BOD1L1: variants seen among roughly 807,000 people sequenced by gnomAD.
BOD1L1 encodes the protein biorientation of chromosomes in cell division 1 like 1.
In BOD1L1, 86 loss-of-function variants were observed where a neutral mutation model predicts 240.7. That is an observed-to-expected ratio of 0.36 (90% CI 0.30 to 0.43). BOD1L1 has a LOEUF of 0.43. Among genes scored for constraint, BOD1L1 ranks in the 20% least tolerant of loss-of-function variants. The probability of loss-of-function intolerance (pLI) is 1.00; values close to 1 mark genes in which losing one functional copy is unlikely to be tolerated. For missense variants in BOD1L1, 3,554 were observed against 3,643.5 expected (o/e 0.98, Z 0.63); for synonymous variants, 1,268 against 1,272.3 (o/e 1.00, Z 0.07).
chr4:13,596,345 CTCTTTTCTT>C (rs2108928927), intron 11 of BOD1L1, among the ~76,000 whole-genome samples: 1 of 152,150 alleles, frequency 6.6e-6, no homozygotes, highest in Non-Finnish European at 1.5e-5. Context: ...GCTTGGAAGG[CTCTTTTCTT>C]TCTTTTCTGG....
At chr4:13,589,868 G>A (rs1714056060) in intron 14 of BOD1L1, among the ~76,000 whole-genome samples, 1 of 152,150 alleles carries the variant, frequency 6.6e-6, no homozygotes, top group Non-Finnish European at 1.5e-5. Context: ...TCCTATAATA[G>A]GAAATTAACA....
At chr4:13,608,489 G>A (rs751380413) in intron 8 of BOD1L1, 41 bp downstream of exon 8, 19 of 1,449,892 alleles carry the variant, frequency 1.3e-5, no homozygotes, top group Non-Finnish European at 9.1e-7. Context: ...AAGCACCCAG[G>A]GGAGTGTTAT....
At chr4:13,591,395 T>C (rs1342431709) in intron 13 of BOD1L1, among the ~76,000 whole-genome samples, 1 of 152,206 alleles carries the variant, frequency 6.6e-6, no homozygotes, top group Non-Finnish European at 1.5e-5. Context: ...TGCAGTTGTC[T>C]GCACATTTGG....
chr4:13,597,015 T>A, intron 11 of BOD1L1, 89 bp downstream of exon 11: 1 of 1,037,394 alleles, frequency 9.6e-7, no homozygotes, highest in East Asian at 2.6e-5. Context: ...GAACAGGACC[T>A]ATATACCACA....
At position 13,600,609 on chromosome 4, in the gene BOD1L1, A is replaced by G; in HGVS notation, c.6291T>C (p.Asp2097=). ...CCATATTTTCTTCAGTTCTCAGAGCATCTGAGAGACCTCCTTCCACATCTG... is the reference window on the plus strand; with the variant it reads ...CCATATTTTCTTCAGTTCTCAGAGCGTCTGAGAGACCTCCTTCCACATCTG... ...AITDVEGGLS[D]ALRTEENMEG... The change falls in exon 10 of 26, where the codon GAT becomes GAC. Residue 2097 remains aspartate, a synonymous_variant. Coordinates refer to ENST00000040738, the MANE Select transcript of BOD1L1 (RefSeq NM_148894.3). 1 of 1,613,788 alleles carries G rather than the reference A, an allele frequency of 6.2e-7. No homozygotes were observed. The highest frequency in any genetic ancestry group is 8.5e-7 in the Non-Finnish European group (1 of 1,179,800).
chr4:13,600,608 C>T lies in BOD1L1; in HGVS notation c.6292G>A (p.Ala2098Thr), dbSNP rs139589377. Reference protein sequence around the residue: ...ITDVEGGLSDALRTEENMEGT... With the variant: ...ITDVEGGLSDTLRTEENMEGT... The stretch of plus-strand genomic sequence containing the variant: ...TCCATATTTTCTTCAGTTCTCAGAG[C>T]ATCTGAGAGACCTCCTTCCACATCT... Residue 2098 changes from alanine (A) to threonine (T), a missense_variant, in exon 10 of 26, where the codon GCT becomes ACT. Physicochemically the swap from Ala to Thr is moderately conservative, Grantham distance 58 (BLOSUM62 0). This residue lies in a region of BOD1L1 where 3,393 missense variants were observed against 3,427.1 expected (regional missense o/e 0.99). Coordinates refer to ENST00000040738, the MANE Select transcript of BOD1L1 (RefSeq NM_148894.3). 1.2e-6 allele frequency: 2 copies of T among 1,613,730 alleles called. No individual in the cohort carries two copies. The highest frequency in any genetic ancestry group is 1.7e-6 in the Non-Finnish European group (2 of 1,179,768).
chr4:13,621,743 C>T (rs1717052174), intron 1 of BOD1L1, among the ~76,000 whole-genome samples: 1 of 152,166 alleles, frequency 6.6e-6, no homozygotes, highest in Non-Finnish European at 1.5e-5. Flanking sequence ...ACATTTTATC[C>T]CTCTGATGCC....
At chr4:13,594,121 T>C (rs1374828411) in intron 12 of BOD1L1, among the ~76,000 whole-genome samples, 1 of 152,242 alleles carries the variant, frequency 6.6e-6, no homozygotes, top group Non-Finnish European at 1.5e-5. Context: ...CTGCATCCTC[T>C]TGGATTATGC....
chr4:13,620,164 C>A, intron 1 of BOD1L1, 97 bp from the exon 2 acceptor site: 1 of 1,251,158 alleles, frequency 8.0e-7, no homozygotes, highest in Non-Finnish European at 1.1e-6. Flanking sequence ...CAAAGTTTCA[C>A]AGTTTCTGAC....
intron 19 of BOD1L1, 133 bp from the exon 20 acceptor site, chr4:13,581,340 AAT>A: frequency 1.6e-6 from 1 of 634,924 alleles, no homozygotes; most frequent in Non-Finnish European, 2.6e-6. Context: ...TCACTTTAAA[AAT>A]ATGTGATGTA....
chr4:13,594,202 A>G (rs1714434048), intron 12 of BOD1L1, among the ~76,000 whole-genome samples: 1 of 151,704 alleles, frequency 6.6e-6, no homozygotes, highest in African/African-American at 2.4e-5. Flanking sequence ...GTTTTTTGTT[A>G]TAAGTATTTA....
Position 13,602,392 on chromosome 4 carries a change from T to A in BOD1L1, c.4508A>T (p.Glu1503Val). 1 of 1,613,978 alleles carries A rather than the reference T, an allele frequency of 6.2e-7. No homozygotes were observed. The highest frequency in any genetic ancestry group is 8.5e-7 in the Non-Finnish European group (1 of 1,179,886). ...SVLHQRNGQT[E>V]DVATGPRRAE... The stretch of plus-strand genomic sequence containing the variant: ...TCTCCTAGGCCCAGTTGCCACATCC[T>A]CAGTTTGTCCGTTCCTTTGGTGTAA... The change falls in exon 10 of 26, where the codon GAG becomes GTG. Residue 1503 changes from glutamate (E) to valine (V), a missense_variant. Physicochemically the swap from Glu to Val is moderately radical, Grantham distance 121. Coordinates refer to ENST00000040738, the MANE Select transcript of BOD1L1 (RefSeq NM_148894.3).
chr4:13,609,188 A>C, intron 7 of BOD1L1, 107 bp downstream of exon 7: 1 of 589,146 alleles, frequency 1.7e-6, no homozygotes, highest in Non-Finnish European at 2.6e-6. Flanking sequence ...CACATTTGAG[A>C]CTAGATCATT....
intron 5 of BOD1L1, among the ~76,000 whole-genome samples, chr4:13,612,180 G>GA (rs200105622): frequency 1.3e-4 from 20 of 149,990 alleles, no homozygotes; most frequent in East Asian, 3.9e-4. Context: ...TGAAATTGAA[G>GA]AAAAAAAAAT....
intron 8 of BOD1L1, 133 bp from the exon 9 acceptor site, chr4:13,607,322 G>A: frequency 3.1e-6 from 1 of 327,686 alleles, no homozygotes; most frequent in African/African-American, 2.2e-5. Flanking sequence ...TTTTTGAGGT[G>A]GAGTCTTGCT....
chr4:13,603,202 A>G lies in BOD1L1; in HGVS notation c.3698T>C (p.Ile1233Thr), dbSNP rs770155419. 4 of 1,613,900 alleles carry G rather than the reference A, an allele frequency of 2.5e-6. No homozygotes were observed. The highest frequency in any genetic ancestry group is 1.3e-5 in the African/African-American group (1 of 74,934). ...CATTCTATGAACAGTTTCAGAATCTATATTCACTTCAGTAGTTCCTCTATG... is the reference window on the plus strand; with the variant it reads ...CATTCTATGAACAGTTTCAGAATCTGTATTCACTTCAGTAGTTCCTCTATG... ...PIHRGTTEVN[I>T]DSETVHRMLL... Residue 1233 changes from isoleucine (I) to threonine (T), a missense_variant, in exon 10 of 26, where the codon ATA (isoleucine) becomes ACA (threonine). By Grantham distance (89) the Ile-to-Thr change is moderately conservative. Transcript: ENST00000040738.
In BOD1L1 at chr4:13,602,235, G is replaced by C. The variant is rs551813262; in HGVS notation, c.4665C>G (p.Thr1555=). 2 of 1,613,774 alleles carry C rather than the reference G, an allele frequency of 1.2e-6. No homozygotes were observed. Among genetic ancestry groups the C allele is most frequent in the African/African-American group, 2.7e-5 (2 of 75,058 alleles). ...TGAGGCCTTCATCTGCCTCAATGCT[G>C]GTGCAAGGCAAAGCCACCTCACTTT... is the stretch of plus-strand genomic sequence containing the variant. ...TRQSEVALPC[T]SIEADEGLII... Residue 1555 remains threonine (T), a synonymous_variant, in exon 10 of 26, where the codon ACC becomes ACG. Coordinates refer to ENST00000040738, the MANE Select transcript of BOD1L1 (RefSeq NM_148894.3).
chr4:13,608,015 A>T (rs1417021559), intron 8 of BOD1L1, among the ~76,000 whole-genome samples: 1 of 152,202 alleles, frequency 6.6e-6, no homozygotes, highest in Admixed American at 6.6e-5. Flanking sequence ...CTTCATAGCT[A>T]CCCTCAAGAG....
At chr4:13,571,147 T>C (rs1712173860) in intron 25 of BOD1L1, among the ~76,000 whole-genome samples, 2 of 152,194 alleles carry the variant, frequency 1.3e-5, no homozygotes, top group African/African-American at 4.8e-5. Context: ...GAAAGTCTTA[T>C]ACACATATAT....
Sources: allele counts gnomAD v4.1 joint callset (sites outside exome capture counted in the v4.1 genomes callset), GRCh38; gene constraint gnomAD v4.1.1; regional missense constraint gnomAD v4.1.1; transcripts MANE v1.5; gene names NCBI Gene and HGNC (gene_info 2026-07-23, HGNC 2026-07-21).